The following SNX29 variants were observed in gnomAD, a reference collection of about 807,000 sequenced individuals.
SNX29 encodes sorting nexin-29.
Under a neutral mutation model 102.1 loss-of-function variants are expected in SNX29, and 78 were observed. That is an observed-to-expected ratio of 0.76 (90% CI 0.64 to 0.92). The LOEUF is 0.92. SNX29 is among the 40% of genes least tolerant of loss of function. SNX29 has a pLI of 0.00. For synonymous variants in SNX29, 580 were observed against 414.5 expected (o/e 1.40, Z -4.85); for missense variants, 1,280 against 1,061.7 (o/e 1.21, Z -2.86).
At chr16:12,144,126 A>T (rs1028220199) in intron 13 of SNX29, among the ~76,000 whole-genome samples, 1 of 152,178 alleles carries the variant, frequency 6.6e-6, no homozygotes, top group African/African-American at 2.4e-5. Context: ...TTCCTAGACC[A>T]CACATTTTAA....
At chr16:12,310,481 A>C (rs572421560) in intron 15 of SNX29, among the ~76,000 whole-genome samples, 2 of 152,304 alleles carry the variant, frequency 1.3e-5, no homozygotes, top group Admixed American at 1.3e-4. Flanking sequence ...CACGCGTAAC[A>C]GCATGGATGA....
intron 20 of SNX29, among the ~76,000 whole-genome samples, chr16:12,547,071 C>A (rs1231900859): frequency 6.6e-6 from 1 of 152,160 alleles, no homozygotes; most frequent in East Asian, 1.9e-4. Context: ...AATAGTGAGG[C>A]AGACATGCCT....
At chr16:12,490,137 C>G (rs1435529921) in intron 19 of SNX29, among the ~76,000 whole-genome samples, 2 of 152,120 alleles carry the variant, frequency 1.3e-5, no homozygotes, top group African/African-American at 4.8e-5. Flanking sequence ...TGAGGTATAG[C>G]ATACCTCCAA....
chr16:12,389,822 T>G (rs1411600271), intron 16 of SNX29, among the ~76,000 whole-genome samples: 1 of 152,072 alleles, frequency 6.6e-6, no homozygotes, highest in Non-Finnish European at 1.5e-5. Context: ...CAACCACAGA[T>G]GTAGGGCAGA....
chr16:12,284,783 G>T (rs1001932166), intron 15 of SNX29, among the ~76,000 whole-genome samples: 1 of 151,246 alleles, frequency 6.6e-6, no homozygotes, highest in Admixed American at 6.6e-5. Flanking sequence ...GGAGGGCAAT[G>T]GCACAATCTC....
intron 18 of SNX29, among the ~76,000 whole-genome samples, chr16:12,438,847 G>C (rs1206738799): frequency 6.6e-6 from 1 of 152,236 alleles, no homozygotes; most frequent in Non-Finnish European, 1.5e-5. Context: ...GTTCTGGGCT[G>C]AGGGCCTGGG....
At chr16:12,307,594 A>G (rs1285351674) in intron 15 of SNX29, among the ~76,000 whole-genome samples, 1 of 152,224 alleles carries the variant, frequency 6.6e-6, no homozygotes, top group African/African-American at 2.4e-5. Context: ...CTTAATGCCT[A>G]GGCCAAGAAG....
intron 20 of SNX29, among the ~76,000 whole-genome samples, chr16:12,537,452 C>G (rs148473083): frequency 5.9e-5 from 9 of 151,996 alleles, no homozygotes; most frequent in South Asian, 2.1e-4. Flanking sequence ...TGAACTTCAC[C>G]TCTGCCTCAG....
At chr16:12,283,297 C>T (rs1281402639) in intron 15 of SNX29, among the ~76,000 whole-genome samples, 3 of 151,736 alleles carry the variant, frequency 2.0e-5, no homozygotes, top group African/African-American at 7.3e-5. Context: ...GCATTGACTA[C>T]CCTAGATGGA....
chr16:12,018,063 G>A (rs573361168), intron 3 of SNX29, among the ~76,000 whole-genome samples: 1 of 152,066 alleles, frequency 6.6e-6, no homozygotes, highest in Admixed American at 6.6e-5. Flanking sequence ...CTGCCACCAC[G>A]CCTGGCCTGT....
intron 11 of SNX29, among the ~76,000 whole-genome samples, chr16:12,121,671 CTCTGCCTTGTGGCTGCA>C (rs1421046406): frequency 6.6e-6 from 1 of 152,204 alleles, no homozygotes; most frequent in Non-Finnish European, 1.5e-5. Flanking sequence ...TTTGGTGGCC[CTCTGCCTTGTGGCTGCA>C]TCTGCATTTG....
chr16:12,048,722 G>T lies in SNX29; in HGVS notation c.748+102G>T. 4 of 1,570,774 alleles carry T rather than the reference G, an allele frequency of 2.5e-6. No individual in the cohort carries two copies. In the South Asian group the frequency reaches 3.3e-5, roughly 13 times the overall value. The stretch of plus-strand genomic sequence containing the variant: ...TGAAAGTCATTCCAAGGGGAATGGA[G>T]TCCAGTGCACTTGCGTTTTCCATTT... On this transcript the variant is annotated intron_variant, in intron 7 of 20. Transcript: ENST00000566228.
At chr16:12,378,582 G>A (rs1294052792) in intron 16 of SNX29, among the ~76,000 whole-genome samples, 4 of 152,190 alleles carry the variant, frequency 2.6e-5, no homozygotes, top group African/African-American at 9.7e-5. Flanking sequence ...CTGAGAGGTG[G>A]AGGTTGCAGT....
chr16:12,101,572 CAG>C (rs939061626), intron 11 of SNX29, among the ~76,000 whole-genome samples: 8 of 151,776 alleles, frequency 5.3e-5, no homozygotes, highest in Non-Finnish European at 8.8e-5. Context: ...TTACTAGAGA[CAG>C]AGTTTCACCA....
chr16:12,075,048 T>C (rs2051485274), intron 10 of SNX29, among the ~76,000 whole-genome samples: 2 of 152,216 alleles, frequency 1.3e-5, no homozygotes, highest in African/African-American at 4.8e-5. Context: ...ATATTGGTTA[T>C]TCTAGTTATA....
intron 13 of SNX29, chr16:12,135,435 C>T: frequency 9.1e-7 from 1 of 1,104,146 alleles, no homozygotes; most frequent in Non-Finnish European, 1.2e-6. Context: ...AGTTGGGTTG[C>T]TCCATCCATG....
At chr16:12,306,897 C>A (rs1486139490) in intron 15 of SNX29, among the ~76,000 whole-genome samples, 2 of 152,132 alleles carry the variant, frequency 1.3e-5, no homozygotes, top group Admixed American at 1.3e-4. Context: ...CAAGGGTTTG[C>A]CATAAGAGAG....
chr16:12,119,413 A>G (rs1242024639), intron 11 of SNX29, among the ~76,000 whole-genome samples: 2 of 152,248 alleles, frequency 1.3e-5, no homozygotes, highest in African/African-American at 4.8e-5. Context: ...AAAAGTTAAT[A>G]AAGATCTAGA....
At chr16:12,547,727 C>T (rs897686714) in intron 20 of SNX29, among the ~76,000 whole-genome samples, 1 of 152,160 alleles carries the variant, frequency 6.6e-6, no homozygotes, top group African/African-American at 2.4e-5. Context: ...TGGCACCCAT[C>T]ACTGCCCCTC....
Sources: allele counts gnomAD v4.1 joint callset (sites outside exome capture counted in the v4.1 genomes callset), GRCh38; gene constraint gnomAD v4.1.1; transcripts MANE v1.5; gene names NCBI Gene and HGNC (gene_info 2026-07-23, HGNC 2026-07-21).